The following MICAL1 variants were observed in gnomAD, a reference collection of about 807,000 sequenced individuals.
The protein encoded by MICAL1 is [F-actin]-monooxygenase MICAL1.
Under a neutral mutation model 131.8 loss-of-function variants are expected in MICAL1, and 95 were observed. That is an observed-to-expected ratio of 0.72 (90% CI 0.61 to 0.86). MICAL1 has a LOEUF of 0.86. Among genes scored for constraint, MICAL1 ranks in the 40% least tolerant of loss-of-function variants. The pLI is 0.00. For synonymous variants in MICAL1, 546 were observed against 554.2 expected (o/e 0.99, Z 0.21); for missense variants, 1,292 against 1,380.6 (o/e 0.94, Z 1.02).
intron 20 of MICAL1, 66 bp downstream of exon 20, chr6:109,445,705 G>A (rs370661938): frequency 4.5e-6 from 7 of 1,555,520 alleles, no homozygotes; most frequent in African/African-American, 2.7e-5. Context: ...GGGTGCAGTG[G>A]ACCAGTGCAG....
intron 7 of MICAL1, 140 bp downstream of exon 7, chr6:109,451,460 A>G (rs1221670520): frequency 4.1e-6 from 4 of 980,318 alleles, no homozygotes; most frequent in Non-Finnish European, 5.8e-6. Flanking sequence ...GGCCAAGAGA[A>G]CTTTTAGAGG....
At chr6:109,448,992 C>T (rs930675173) in intron 11 of MICAL1, 113 bp from the exon 12 acceptor site, 2 of 1,411,370 alleles carry the variant, frequency 1.4e-6, no homozygotes, top group Non-Finnish European at 9.6e-7. Flanking sequence ...CAGGGACCCA[C>T]CTCTACTAGG....
At chr6:109,463,365 C>T (rs1775950117) in intron 1 of MICAL1, 1 of 152,182 alleles carries the variant, frequency 6.6e-6, no homozygotes, top group African/African-American at 2.4e-5. Context: ...CTATCATTTC[C>T]TTGTTTCTCT....
upstream of MICAL1, chr6:109,455,813 G>C: frequency 1.0e-6 from 1 of 984,956 alleles, no homozygotes; most frequent in Non-Finnish European, 1.2e-6. This position sits in a 1 kb window ranked among gnomAD's most constrained non-coding sequence, Gnocchi z 4.7. Flanking sequence ...GGGCGGAAAC[G>C]CCGAGATCGG....
intron 3 of MICAL1, 100 bp from the exon 4 acceptor site, chr6:109,453,467 G>C (rs1775620652): frequency 6.6e-7 from 1 of 1,510,814 alleles, no homozygotes; most frequent in African/African-American, 1.4e-5. Context: ...AAAGGCCTTA[G>C]CAATCACTCA....
chr6:109,459,203 G>A (rs983940606), upstream of MICAL1, among the ~76,000 whole-genome samples: 13 of 152,154 alleles, frequency 8.5e-5, no homozygotes, highest in African/African-American at 1.4e-4. Flanking sequence ...GCAGAGACAC[G>A]GTCATATTTA....
In MICAL1 at chr6:109,447,402, G is replaced by A. The variant is rs937732959; in HGVS notation, c.2025C>T (p.Asp675=). ...GTGTCAGGGGTACACCAGGCTCTGG[G>A]TCAGGTGGCACCTCAGTACTTGGGG... ...AETPSTEVPP[D]PEPGVPLTPP... The change falls in exon 16 of 25, where the codon GAC becomes GAT. Residue 675 remains aspartate (D), a synonymous_variant. Transcript: ENST00000358807. 8.1e-6 allele frequency: 13 copies of A among 1,613,766 alleles called. No individual in the cohort carries two copies. In the African/African-American group the frequency reaches 1.2e-4, roughly 15 times the overall value.
At chr6:109,458,416 A>T (rs1582659958), upstream of MICAL1, among the ~76,000 whole-genome samples, 2 of 152,214 alleles carry the variant, frequency 1.3e-5, no homozygotes, top group Admixed American at 6.5e-5. Flanking sequence ...AGCAACATGG[A>T]GAAACCCCAA....
chr6:109,449,601 G>T (rs1280424979), intron 10 of MICAL1, 56 bp downstream of exon 10: 60 of 1,597,476 alleles, frequency 3.8e-5, no homozygotes, highest in Non-Finnish European at 4.9e-5. Context: ...GGGAGGGCCT[G>T]ACCTGGGGGA....
At chr6:109,448,540 G>A in intron 12 of MICAL1, 147 bp from the exon 13 acceptor site, 2 of 1,239,704 alleles carry the variant, frequency 1.6e-6, no homozygotes, top group Non-Finnish European at 2.3e-6. Context: ...GCTACCCAGT[G>A]CCCAACCCAG....
In MICAL1 at chr6:109,451,688, T is replaced by C. The variant is rs2115336076; in HGVS notation, c.845A>G (p.Glu282Gly). Residue 282 changes from glutamate (E) to glycine (G), a missense_variant, in exon 7 of 25, where the codon GAG becomes GGG. Physicochemically the swap from Glu to Gly is moderately conservative, Grantham distance 98. Coordinates refer to ENST00000358807, the MANE Select transcript of MICAL1 (RefSeq NM_022765.4). ...GTCGTCCTTGTAGTACACAATGTTC[T>C]CCAGATCAATGCCTGGGGGTACAGG... ...SLLKATGIDL[E>G]NIVYYKDDTH... 6.2e-7 allele frequency: 1 copy of C among 1,613,976 alleles called. No individual in the cohort carries two copies. The highest frequency in any genetic ancestry group is 2.2e-5 in the East Asian group (1 of 44,862).
At position 109,454,187 on chromosome 6, in the gene MICAL1, G is replaced by A; in HGVS notation, c.10C>T (p.Pro4Ser). 6.3e-7 allele frequency: 1 copy of A among 1,599,890 alleles called. No individual in the cohort carries two copies. The highest frequency in any genetic ancestry group is 1.3e-5 in the African/African-American group (1 of 74,674). Residue 4 changes from proline to serine, a missense_variant, in exon 2 of 25, where the codon CCT (proline) becomes TCT (serine). Coordinates refer to ENST00000358807, the MANE Select transcript of MICAL1 (RefSeq NM_022765.4). The stretch of plus-strand genomic sequence containing the variant: ...GCATGCGCTGGGTTGGTGGAGGTAG[G>A]TGAAGCCATGGAGGCCTCCTGGGGA... MAS[P>S]TSTNPAHAHF...
At chr6:109,462,884 T>G (rs1775923715) in intron 1 of MICAL1, 1 of 152,232 alleles carries the variant, frequency 6.6e-6, no homozygotes, top group Non-Finnish European at 1.5e-5. Context: ...ATGGTACACA[T>G]TTAGTAGAAA....
At position 109,447,381 on chromosome 6, in the gene MICAL1, CAG is replaced by C. The variant is rs770534326; in HGVS notation, c.2044_2045del (p.Leu682AspfsTer46). On this transcript the variant is annotated frameshift_variant, in exon 16 of 25. Transcript: ENST00000358807. LOFTEE classifies it high-confidence loss of function. Reference protein sequence around the residue: ...VPPDPEPGVPLTPPSQHQEAG... With the variant: ...VPPDPEPGVPXTPPSQHQEAG... ...CCTCCTGGTGTTGGGATGGGGGTGT[CAG>C]GGGTACACCAGGCTCTGGGTCAGGT... 236 of 1,613,500 alleles carry C rather than the reference CAG, an allele frequency of 1.5e-4. 1 individual carries two copies. Among genetic ancestry groups the C allele is most frequent in the South Asian group, 1.4e-3 (130 of 91,048 alleles).
Position 109,448,194 on chromosome 6 carries a change from T to C in MICAL1, c.1855+9A>G. ...CCCAGTTATCCTGCCCGCCTTTCCT[T>C]CAGGTCACCTGGGCTGTGGGCCATG... On this transcript the variant is annotated intron_variant, in intron 13 of 24. Transcript: ENST00000358807. The C allele has an allele frequency of 6.3e-7, 1 of 1,584,554 alleles. No homozygotes were observed. Among genetic ancestry groups the C allele is most frequent in the Non-Finnish European group, 8.6e-7 (1 of 1,168,164 alleles).
chr6:109,456,339 C>A (rs553244106), upstream of MICAL1, among the ~76,000 whole-genome samples: 1 of 152,350 alleles, frequency 6.6e-6, no homozygotes, highest in Non-Finnish European at 1.5e-5. Context: ...CGGTCTCCCA[C>A]CTGGAGATCC....
At position 109,448,103 on chromosome 6, in the gene MICAL1, C is replaced by T. The variant is rs1775322757; in HGVS notation, c.1855+100G>A. 6 of 1,348,990 alleles carry T rather than the reference C, an allele frequency of 4.4e-6. No individual in the cohort carries two copies. The Admixed American group carries it at 1.3e-4, about 29-fold the overall frequency. 83.6% of individuals were successfully genotyped at this position (1,348,990 alleles called of 1,614,324 possible). On this transcript the variant is annotated intron_variant, in intron 13 of 24. Coordinates refer to ENST00000358807, the MANE Select transcript of MICAL1 (RefSeq NM_022765.4). ...GCGCCTTCTTCCTCTTTCTGACACA[C>T]ACACACACACACACCGCCTTCTCCC...
Position 109,452,256 on chromosome 6 carries a change from G to C in MICAL1, c.822C>G (p.Leu274=). 1 of 1,613,328 alleles carries C rather than the reference G, an allele frequency of 6.2e-7. No homozygotes were observed. Among genetic ancestry groups the C allele is most frequent in the Non-Finnish European group, 8.5e-7 (1 of 1,179,458 alleles). Residue 274 remains leucine (L), a synonymous_variant, in exon 6 of 25, where the codon CTC becomes CTG. Coordinates refer to ENST00000358807, the MANE Select transcript of MICAL1 (RefSeq NM_022765.4). ...IYNQSFFQSL[L]KATGIDLENI... The stretch of plus-strand genomic sequence containing the variant: ...AAGAGGGTCCCTGACCTGTGGCTTT[G>C]AGAAGGCTCTGGAAGAAGCTCTGGT...
rs763896762 is a variant in MICAL1, at chr6:109,453,794, C to T, written c.310G>A (p.Ala104Thr). The change falls in exon 3 of 25, where the codon GCG becomes ACG. Residue 104 changes from alanine (A) to threonine (T), a missense_variant. By Grantham distance (58) the Ala-to-Thr change is moderately conservative. Coordinates refer to ENST00000358807, the MANE Select transcript of MICAL1 (RefSeq NM_022765.4). The stretch of plus-strand genomic sequence containing the variant: ...AGCACCACTCGGGCCCCCAGCAGCG[C>T]CAGCTCCACAGCGACCCGCAGCCCG... Reference protein sequence around the residue: ...PCGLRVAVELALLGARVVLVE... With the variant: ...PCGLRVAVELTLLGARVVLVE... The T allele has an allele frequency of 1.2e-6, 2 of 1,613,778 alleles. No homozygotes were observed. Among genetic ancestry groups the T allele is most frequent in the Non-Finnish European group, 8.5e-7 (1 of 1,180,026 alleles).
Sources: allele counts gnomAD v4.1 joint callset (sites outside exome capture counted in the v4.1 genomes callset), GRCh38; gene constraint gnomAD v4.1.1; non-coding constraint Gnocchi (gnomAD v3.1); transcripts MANE v1.5; gene names NCBI Gene and HGNC (gene_info 2026-07-23, HGNC 2026-07-21).